HDAC4: variants seen among roughly 807,000 people sequenced by gnomAD.
HDAC4 encodes histone deacetylase 4.
HDAC4 carries 16 observed loss-of-function variants against 135.1 expected under a neutral mutation model. The ratio of observed to expected loss-of-function variants is 0.12; its 90% CI spans 0.08 to 0.18. HDAC4 has a LOEUF of 0.18. HDAC4 is among the 10% of genes least tolerant of loss of function. The pLI is 1.00. For synonymous variants in HDAC4, 685 were observed against 653.4 expected (o/e 1.05, Z -0.74); for missense variants, 1,143 against 1,511.8 (o/e 0.76, Z 4.05).
chr2:239,053,817 T>C (rs1266500536), intron 25 of HDAC4, among the ~76,000 whole-genome samples: 1 of 152,110 alleles, frequency 6.6e-6, no homozygotes, highest in Non-Finnish European at 1.5e-5. Context: ...CCATTGTGAG[T>C]GGCTCGAGTC....
At chr2:239,102,139 T>C (rs1351816100) in intron 16 of HDAC4, among the ~76,000 whole-genome samples, 3 of 147,058 alleles carry the variant, frequency 2.0e-5, no homozygotes, top group Non-Finnish European at 4.5e-5. Flanking sequence ...GCCCGGGGTC[T>C]GGGTTCTGCG....
At chr2:239,162,640 G>A (rs955847008) in intron 6 of HDAC4, among the ~76,000 whole-genome samples, 22 of 152,242 alleles carry the variant, frequency 1.4e-4, no homozygotes, top group African/African-American at 4.6e-4. Context: ...CATGGACGCC[G>A]GTCTCACTCC....
chr2:239,176,597 C>T, intron 4 of HDAC4, 34 bp from the exon 5 acceptor site: 1 of 1,599,730 alleles, frequency 6.3e-7, no homozygotes. Context: ...ACGGTCAGAG[C>T]CCAGGCTCCA....
chr2:239,108,328 G>A (rs1280196005), intron 14 of HDAC4, 145 bp from the exon 15 acceptor site: 22 of 1,075,558 alleles, frequency 2.0e-5, no homozygotes, highest in Middle Eastern at 3.0e-4. Context: ...AAAATACCAC[G>A]TTTGCCAAGA....
Position 239,146,267 on chromosome 2 carries a change from A to G in HDAC4, c.734-1553T>C, listed in dbSNP as rs1439483485. 6.6e-6 allele frequency among the ~76,000 whole-genome samples: 1 copy of G among 152,212 alleles called. No individual in the cohort carries two copies. Among genetic ancestry groups the G allele is most frequent in the Admixed American group, 6.5e-5 (1 of 15,290 alleles). ...AAAAACAAGCCAAAAAACCCAACTGATGACTAGGCAAGAAAACAGTACCTC... is the reference window on the plus strand; with the variant it reads ...AAAAACAAGCCAAAAAACCCAACTGGTGACTAGGCAAGAAAACAGTACCTC... On this transcript the variant is annotated intron_variant, in intron 7 of 26. Coordinates refer to ENST00000543185, the MANE Select transcript of HDAC4 (RefSeq NM_001378414.1). The surrounding 1 kb of genome is among the most constrained non-coding windows in gnomAD (Gnocchi z 4.5).
intron 1 of HDAC4, among the ~76,000 whole-genome samples, chr2:239,374,685 G>T (rs1204472221): frequency 6.6e-6 from 1 of 152,126 alleles, no homozygotes; most frequent in Non-Finnish European, 1.5e-5. Flanking sequence ...TTACAGGCGT[G>T]AGCCACCGCG....
intron 12 of HDAC4, among the ~76,000 whole-genome samples, chr2:239,116,172 A>G (rs1356644142): frequency 6.6e-6 from 1 of 151,978 alleles, no homozygotes. Flanking sequence ...TCCTCGGCTC[A>G]TTTCCCCATT....
intron 2 of HDAC4, among the ~76,000 whole-genome samples, chr2:239,256,665 T>C (rs1380096512): frequency 6.6e-6 from 1 of 152,248 alleles, no homozygotes; most frequent in Non-Finnish European, 1.5e-5. Context: ...TCCATGACCC[T>C]GAAGCAATGA....
chr2:239,398,183 G>C (rs1298376425), intron 1 of HDAC4, among the ~76,000 whole-genome samples: 3 of 152,206 alleles, frequency 2.0e-5, no homozygotes, highest in African/African-American at 7.2e-5. Flanking sequence ...GCTCCTTCGC[G>C]CCCTACATCA....
In HDAC4 at chr2:239,053,501, G is replaced by A. The variant is rs1165234022; in HGVS notation, c.3189C>T (p.Ala1063=). Residue 1063 remains alanine (A), a synonymous_variant, in exon 26 of 27, where the codon GCC becomes GCT. Coordinates refer to ENST00000543185, the MANE Select transcript of HDAC4 (RefSeq NM_001378414.1). ...TCACGCCCACGGACAGCGAGGCCATGGCGGTGACCGTCTCGGCTTCTTCGT... is the reference window on the plus strand; with the variant it reads ...TCACGCCCACGGACAGCGAGGCCATAGCGGTGACCGTCTCGGCTTCTTCGT... ...CENEEAETVT[A]MASLSVGVKP... The A allele has an allele frequency of 1.2e-6, 2 of 1,613,820 alleles. No individual in the cohort carries two copies. Among genetic ancestry groups the A allele is most frequent in the Non-Finnish European group, 1.7e-6 (2 of 1,179,958 alleles).
Position 239,081,133 on chromosome 2 carries a change from G to A in HDAC4, c.2712C>T (p.Asp904=). Residue 904 remains aspartate (D), a synonymous_variant, in exon 22 of 27, where the codon GAC becomes GAT. Coordinates refer to ENST00000543185, the MANE Select transcript of HDAC4 (RefSeq NM_001378414.1). Reference sequence around the variant, plus strand: ...AGTACTCAGCGTCTCCCATGGGGGGGTCCAGGCCGCCGGTGAAAGCCATGT... The same window carrying A: ...AGTACTCAGCGTCTCCCATGGGGGGATCCAGGCCGCCGGTGAAAGCCATGT... ...NVNMAFTGGL[D]PPMGDAEYLA... is the part of the protein sequence containing the mutation. 6.2e-7 allele frequency: 1 copy of A among 1,613,984 alleles called. No individual in the cohort carries two copies. Among genetic ancestry groups the A allele is most frequent in the South Asian group, 1.1e-5 (1 of 91,060 alleles).
intron 7 of HDAC4, among the ~76,000 whole-genome samples, chr2:239,155,188 T>C (rs1439103256): frequency 6.8e-6 from 1 of 147,604 alleles, no homozygotes; most frequent in Non-Finnish European, 1.5e-5. Context: ...GCTGACCCAA[T>C]ACGGCCCACT....
At chr2:239,221,348 C>G (rs2046943592) in intron 3 of HDAC4, among the ~76,000 whole-genome samples, 1 of 151,976 alleles carries the variant, frequency 6.6e-6, no homozygotes, top group Middle Eastern at 3.4e-3. Flanking sequence ...TCTGGGAAAC[C>G]CTCTGGAAAA....
chr2:239,261,041 G>A (rs1031479678), intron 2 of HDAC4, among the ~76,000 whole-genome samples: 1 of 152,182 alleles, frequency 6.6e-6, no homozygotes, highest in Non-Finnish European at 1.5e-5. Flanking sequence ...AACTCGATGC[G>A]GCACTAAGGT....
intron 1 of HDAC4, among the ~76,000 whole-genome samples, chr2:239,383,771 C>T (rs1479434893): frequency 6.6e-6 from 1 of 152,118 alleles, no homozygotes; most frequent in African/African-American, 2.4e-5. Flanking sequence ...CAACGATGGC[C>T]GGGGCAGGAA....
chr2:239,360,180 G>A (rs1693768286), intron 1 of HDAC4, among the ~76,000 whole-genome samples: 2 of 152,196 alleles, frequency 1.3e-5, no homozygotes, highest in African/African-American at 2.4e-5. Flanking sequence ...CCTTGACCAG[G>A]GAAGCCAGGA....
At chr2:239,149,581 C>T (rs1005106177) in intron 7 of HDAC4, among the ~76,000 whole-genome samples, 24 of 152,256 alleles carry the variant, frequency 1.6e-4, no homozygotes, top group African/African-American at 5.3e-4. Flanking sequence ...ATGGAACCGC[C>T]TCACGTGCCC....
chr2:239,164,720 T>C (rs3828219), intron 5 of HDAC4, among the ~76,000 whole-genome samples: 78,405 of 152,092 alleles, frequency 0.52, 20,941 homozygotes, highest in South Asian at 0.72. Flanking sequence ...AAAACACACC[T>C]TGAGGTGAGT....
chr2:239,147,800 A>C (rs926101655), intron 7 of HDAC4, among the ~76,000 whole-genome samples: 6 of 152,242 alleles, frequency 3.9e-5, no homozygotes, highest in African/African-American at 1.2e-4. Context: ...TAAATGACTA[A>C]TTAAGGCGAT....
Sources: allele counts gnomAD v4.1 joint callset (sites outside exome capture counted in the v4.1 genomes callset), GRCh38; gene constraint gnomAD v4.1.1; non-coding constraint Gnocchi (gnomAD v3.1); transcripts MANE v1.5; gene names NCBI Gene and HGNC (gene_info 2026-07-23, HGNC 2026-07-21).